GJA5: variants seen among roughly 807,000 people sequenced by gnomAD.
The protein encoded by GJA5 is gap junction protein alpha 5.
GJA5 carries 3 observed loss-of-function variants against 7.9 expected under a neutral mutation model. The ratio of observed to expected loss-of-function variants is 0.38; its 90% CI spans 0.17 to 0.99. The LOEUF (loss-of-function observed/expected upper bound fraction) is 0.99. Among genes scored for constraint, GJA5 ranks in the 50% least tolerant of loss-of-function variants. The pLI, the probability that GJA5 is intolerant of heterozygous loss-of-function variation, is 0.38. For synonymous variants in GJA5, 193 were observed against 181.0 expected (o/e 1.07, Z -0.53); for missense variants, 390 against 457.9 (o/e 0.85, Z 1.35).
At chr1:147,771,239 G>A (rs1664390448) in intron 1 of GJA5, among the ~76,000 whole-genome samples, 1 of 152,132 alleles carries the variant, frequency 6.6e-6, no homozygotes, top group Non-Finnish European at 1.5e-5. Flanking sequence ...TGAAGAGCAG[G>A]TGGGCAGGTG....
At chr1:147,770,679 G>A (rs952616025) in intron 1 of GJA5, among the ~76,000 whole-genome samples, 9 of 151,846 alleles carry the variant, frequency 5.9e-5, no homozygotes, top group East Asian at 1.9e-4. Flanking sequence ...TTCTTCCTTC[G>A]GCCCTACCCC....
chr1:147,766,418 G>C (rs1664204917), intron 1 of GJA5, among the ~76,000 whole-genome samples: 1 of 152,186 alleles, frequency 6.6e-6, no homozygotes, highest in Non-Finnish European at 1.5e-5. Context: ...AATGCACACA[G>C]AGGCCAAGCA....
chr1:147,771,462 C>T (rs1010295936), intron 1 of GJA5, among the ~76,000 whole-genome samples: 3 of 152,142 alleles, frequency 2.0e-5, no homozygotes, highest in Non-Finnish European at 2.9e-5. Context: ...AGTCCTTGTT[C>T]TCCTTATTTG....
Position 147,768,982 on chromosome 1 carries a change from T to A in GJA5, c.-34+4270A>T, listed in dbSNP as rs76868906. Among the ~76,000 whole-genome samples, 1,261 of 152,334 alleles carry A rather than the reference T, an allele frequency of 8.3e-3. 4 individuals carry two copies. Among genetic ancestry groups the A allele is most frequent in the Non-Finnish European group, 0.014 (950 of 68,034 alleles). ...GCCCAGAACTCCAGTCTCTTAACTC[T>A]CAGAGTTATCATCATCTATTTTTCC... On this transcript the variant is annotated intron_variant, in intron 1 of 1. Coordinates refer to the GJA5 transcript ENST00000430508.
intron 1 of GJA5, among the ~76,000 whole-genome samples, chr1:147,766,091 C>T (rs587605644): frequency 1.3e-5 from 2 of 152,284 alleles, no homozygotes; most frequent in South Asian, 2.1e-4. Context: ...AAGTCAGCAG[C>T]TGGGCCTTGG....
At chr1:147,768,157 AGAG>A (rs1664275023) in intron 1 of GJA5, among the ~76,000 whole-genome samples, 1 of 152,212 alleles carries the variant, frequency 6.6e-6, no homozygotes, top group Non-Finnish European at 1.5e-5. Context: ...TAGAGATAAG[AGAG>A]GAGAAGAGAT....
chr1:147,763,919 C>G (rs1664110276), upstream of GJA5, among the ~76,000 whole-genome samples: 1 of 152,120 alleles, frequency 6.6e-6, no homozygotes, highest in Non-Finnish European at 1.5e-5. Flanking sequence ...AAGCAATTCT[C>G]CCTGCCTTAG....
Position 147,758,695 on chromosome 1 carries a change from G to A in GJA5, c.544C>T (p.Leu182=), listed in dbSNP as rs1553226951. The A allele has an allele frequency of 3.7e-6, 6 of 1,614,200 alleles. No individual in the cohort carries two copies. Among genetic ancestry groups the A allele is most frequent in the Non-Finnish European group, 5.1e-6 (6 of 1,180,030 alleles). The change falls in exon 2 of 2, where the codon CTG becomes TTG. Residue 182 remains leucine (L), a synonymous_variant. Transcript: ENST00000579774. The stretch of plus-strand genomic sequence containing the variant: ...CAGGGACTCCTGCGGCAGACATGCA[G>A]GGTGGTCAGGAAGATTCCGTAGATG... ...YFIYGIFLTT[L]HVCRRSPCPH...
chr1:147,768,332 A>C (rs1488107485), intron 1 of GJA5, among the ~76,000 whole-genome samples: 2 of 152,204 alleles, frequency 1.3e-5, no homozygotes, highest in African/African-American at 4.8e-5. Context: ...AAAGCCAAGG[A>C]AGTAGAAGGG....
chr1:147,763,868 G>A (rs587667987), upstream of GJA5, among the ~76,000 whole-genome samples: 6 of 152,090 alleles, frequency 3.9e-5, no homozygotes, highest in East Asian at 1.2e-3. Flanking sequence ...GGAGTGCAGT[G>A]GCACCATCTC....
intron 1 of GJA5, among the ~76,000 whole-genome samples, chr1:147,772,485 G>A (rs1664445520): frequency 6.6e-6 from 1 of 152,202 alleles, no homozygotes; most frequent in Non-Finnish European, 1.5e-5. Context: ...GCATGGGGAT[G>A]TGTCTGCTAC....
intron 1 of GJA5, among the ~76,000 whole-genome samples, chr1:147,766,323 A>G (rs1664200748): frequency 6.6e-6 from 1 of 152,182 alleles, no homozygotes; most frequent in East Asian, 1.9e-4. Flanking sequence ...ACGATGGATG[A>G]ATTGATAGCA....
At chr1:147,764,410 GC>G, upstream of GJA5, among the ~76,000 whole-genome samples, 1 of 152,256 alleles carries the variant, frequency 6.6e-6, no homozygotes, top group East Asian at 1.9e-4. Context: ...TTGTCTATCA[GC>G]CAACCTGCAG....
At chr1:147,761,651 C>T, upstream of GJA5, among the ~76,000 whole-genome samples, 1 of 152,208 alleles carries the variant, frequency 6.6e-6, no homozygotes, top group Non-Finnish European at 1.5e-5. Context: ...CTCTTTCAGC[C>T]TCCAAATGTG....
At chr1:147,762,507 A>G (rs1216376535), upstream of GJA5, among the ~76,000 whole-genome samples, 2 of 152,234 alleles carry the variant, frequency 1.3e-5, no homozygotes, top group African/African-American at 4.8e-5. Flanking sequence ...AAGCACAGAT[A>G]CAAGAAAGGA....
chr1:147,767,706 T>G (rs1488870994), intron 1 of GJA5, among the ~76,000 whole-genome samples: 2 of 152,066 alleles, frequency 1.3e-5, no homozygotes, highest in Non-Finnish European at 2.9e-5. Context: ...CCTCTCATCT[T>G]TTGTTACAGG....
At chr1:147,771,551 G>A (rs1664403062) in intron 1 of GJA5, among the ~76,000 whole-genome samples, 1 of 152,182 alleles carries the variant, frequency 6.6e-6, no homozygotes, top group Admixed American at 6.5e-5. Flanking sequence ...TAGGAGAGGG[G>A]ACAGGAGTGA....
At chr1:147,769,875 A>C (rs1474597398) in intron 1 of GJA5, among the ~76,000 whole-genome samples, 1 of 151,830 alleles carries the variant, frequency 6.6e-6, no homozygotes, top group Non-Finnish European at 1.5e-5. Context: ...TTAACTCAAG[A>C]TTTTGGGCCT....
intron 1 of GJA5, among the ~76,000 whole-genome samples, chr1:147,759,995 C>T (rs1663928518): frequency 6.6e-6 from 1 of 152,136 alleles, no homozygotes; most frequent in African/African-American, 2.4e-5. Flanking sequence ...CAGCATGGAC[C>T]AGCTGTGTTG....
Sources: gnomAD v4.1 joint callset for allele counts (sites outside exome capture counted in the v4.1 genomes callset) on GRCh38, gnomAD v4.1.1 for gene constraint, MANE v1.5 for transcripts, NCBI Gene and HGNC (gene_info 2026-07-23, HGNC 2026-07-21) for gene names.